The following UGDH variants were observed in gnomAD, a reference collection of about 807,000 sequenced individuals.
UGDH encodes the protein UDP-glucose 6-dehydrogenase, also known as UDP-Glc dehydrogenase.
A neutral mutation model predicts 50.6 loss-of-function variants in UGDH; 38 were observed. That is an observed-to-expected ratio of 0.75 (90% CI 0.58 to 0.98). UGDH has a LOEUF of 0.98. Ranked by LOEUF, UGDH falls within the 50% of genes least tolerant of loss-of-function variation. The pLI is 0.00. For missense variants in UGDH, 465 were observed against 606.2 expected (o/e 0.77, Z 2.45); for synonymous variants, 168 against 199.9 (o/e 0.84, Z 1.35).
rs555032653 is a variant in UGDH, at chr4:39,499,452, C to A, written c.*691G>T. ...AAATATATCTTTAATGACAAACAAA[C>A]CAATAACCAGGAGGAATGAAGACTG... is the stretch of plus-strand genomic sequence containing the variant. On this transcript the variant is annotated 3_prime_UTR_variant, in exon 12 of 12. Coordinates refer to ENST00000316423, the MANE Select transcript of UGDH (RefSeq NM_003359.4). 1 of 152,048 alleles carries A rather than the reference C, an allele frequency of 6.6e-6. No individual in the cohort carries two copies. Among genetic ancestry groups the A allele is most frequent in the Admixed American group, 6.6e-5 (1 of 15,248 alleles). 9.4% of individuals were successfully genotyped at this position (152,048 alleles called of 1,614,324 possible). A position where few individuals can be genotyped will look rare whatever the true frequency, so the allele number is the denominator to read the frequency against.
At chr4:39,514,804 T>A (rs1208375743) in intron 2 of UGDH, among the ~76,000 whole-genome samples, 2 of 152,048 alleles carry the variant, frequency 1.3e-5, no homozygotes, top group East Asian at 3.8e-4. Context: ...TGCCTCAGCC[T>A]CCCAAGTAGC....
chr4:39,518,891 T>C (rs763765747), intron 2 of UGDH, among the ~76,000 whole-genome samples: 6 of 152,222 alleles, frequency 3.9e-5, no homozygotes, highest in Non-Finnish European at 8.8e-5. Context: ...ATTTTAACCA[T>C]TCTGATGGGT....
intron 7 of UGDH, among the ~76,000 whole-genome samples, chr4:39,506,406 A>C (rs3796518): frequency 0.22 from 33,144 of 151,846 alleles, 5,653 homozygotes; most frequent in African/African-American, 0.46. Context: ...AAACCATACT[A>C]TCCTTAGTCC....
chr4:39,518,672 C>T (rs1343395906), intron 2 of UGDH, among the ~76,000 whole-genome samples: 7 of 151,050 alleles, frequency 4.6e-5, no homozygotes, highest in Non-Finnish European at 1.0e-4. Context: ...GTTGCCCAGG[C>T]TGGGCTTGAA....
chr4:39,501,023 G>A (rs961730193), intron 11 of UGDH, among the ~76,000 whole-genome samples: 7 of 150,664 alleles, frequency 4.6e-5, no homozygotes, highest in Admixed American at 6.6e-5. Context: ...GCAGTGCAGT[G>A]GCACGATCTT....
rs1475584701 is a variant in UGDH, at chr4:39,498,824, T to C, written c.*1319A>G. 1 of 152,220 alleles carries C rather than the reference T, an allele frequency of 6.6e-6. No individual in the cohort carries two copies. The highest frequency in any genetic ancestry group is 1.5e-5 in the Non-Finnish European group (1 of 68,044). 9.4% of individuals were successfully genotyped at this position (152,220 alleles called of 1,614,324 possible). A position where few individuals can be genotyped will look rare whatever the true frequency, so the allele number is the denominator to read the frequency against. On this transcript the variant is annotated 3_prime_UTR_variant, in exon 12 of 12. Coordinates refer to ENST00000316423, the MANE Select transcript of UGDH (RefSeq NM_003359.4). ...AGAGATGCTTCTGTCCTCATCTTTATATTTGTCTCCCTCTTCTCATTGAAC... is the reference window on the plus strand; with the variant it reads ...AGAGATGCTTCTGTCCTCATCTTTACATTTGTCTCCCTCTTCTCATTGAAC...
rs1578287671 is a variant in UGDH at position 39,526,186 on chromosome 4, T to C, written c.-8+1097A>G. ...TTTCCAGAAATTAAACAGTAAAAGA[T>C]GCCTGACCAGAGAAAAATATTTAAT... is the stretch of plus-strand genomic sequence containing the variant. On this transcript the variant is annotated intron_variant, in intron 1 of 11. Transcript: ENST00000316423. 2.0e-5 allele frequency among the ~76,000 whole-genome samples: 3 copies of C among 152,330 alleles called. No individual in the cohort carries two copies. In the South Asian group the frequency reaches 6.2e-4, roughly 32 times the overall value.
rs946802939 is a variant in UGDH at position 39,502,924 on chromosome 4, T to A, written c.1374+951A>T. ...ACCAAGCCTGACTAATTTTTATTAT[T>A]TTTTTTTCCCAAAACGGAGTCTTGC... On this transcript the variant is annotated intron_variant, in intron 11 of 11. Coordinates refer to ENST00000316423, the MANE Select transcript of UGDH (RefSeq NM_003359.4). Among the ~76,000 whole-genome samples, 7 of 151,806 alleles carry A rather than the reference T, an allele frequency of 4.6e-5. No individual in the cohort carries two copies. The East Asian group carries it at 7.7e-4, about 17-fold the overall frequency.
At chr4:39,527,239 G>T in intron 1 of UGDH, 44 bp downstream of exon 1, 1 of 791,306 alleles carries the variant, frequency 1.3e-6, no homozygotes, top group Non-Finnish European at 1.8e-6. Flanking sequence ...AGACCTGGGA[G>T]CATCCCGCCC....
intron 1 of UGDH, among the ~76,000 whole-genome samples, chr4:39,523,978 C>G (rs1341312081): frequency 6.6e-6 from 1 of 152,176 alleles, no homozygotes; most frequent in East Asian, 1.9e-4. Flanking sequence ...ATCCTCCCAG[C>G]TACAAGTAAA....
In UGDH at chr4:39,500,455, A is replaced by T. The variant is rs1578259248; in HGVS notation, c.1375-202T>A. 2.0e-5 allele frequency among the ~76,000 whole-genome samples: 3 copies of T among 152,116 alleles called. No homozygotes were observed. The South Asian group carries it at 6.2e-4, about 32-fold the overall frequency. ...TAATCTGTACTCCATCGTAATATTC[A>T]TATCTAGACTTTCTCACTCCTGCCA... On this transcript the variant is annotated intron_variant, in intron 11 of 11. Coordinates refer to ENST00000316423, the MANE Select transcript of UGDH (RefSeq NM_003359.4).
chr4:39,522,765 T>TTG (rs1491202996), intron 1 of UGDH, among the ~76,000 whole-genome samples: 1 of 90,926 alleles, frequency 1.1e-5, no homozygotes, highest in African/African-American at 9.6e-5. Context: ...CCCTCATGAC[T>TTG]TTTTTTTTTT....
At chr4:39,523,432 A>G (rs975537875) in intron 1 of UGDH, among the ~76,000 whole-genome samples, 2 of 152,172 alleles carry the variant, frequency 1.3e-5, no homozygotes, top group Non-Finnish European at 2.9e-5. Flanking sequence ...GAATTATATG[A>G]TTCAATTAAA....
chr4:39,509,649 C>G (rs894126186), intron 6 of UGDH, 111 bp downstream of exon 6: 1 of 1,247,822 alleles, frequency 8.0e-7, no homozygotes, highest in African/African-American at 1.6e-5. Context: ...CAGCATCTAC[C>G]TAACAGGTTA....
intron 2 of UGDH, among the ~76,000 whole-genome samples, 171 bp downstream of exon 2, chr4:39,521,180 C>A (rs1386687405): frequency 6.6e-6 from 1 of 151,922 alleles, no homozygotes; most frequent in Non-Finnish European, 1.5e-5. Context: ...TTCCTACCCA[C>A]ATTACCCGAA....
intron 1 of UGDH, 118 bp downstream of exon 1, chr4:39,527,165 C>A: frequency 1.6e-6 from 2 of 1,277,326 alleles, no homozygotes; most frequent in Non-Finnish European, 2.0e-6. Flanking sequence ...AGCCCGGGAC[C>A]CAGCGCAGCG....
Position 39,510,432 on chromosome 4 carries a change from A to G in UGDH, c.584T>C (p.Leu195Pro), listed in dbSNP as rs1171919565. 1.2e-6 allele frequency: 2 copies of G among 1,614,220 alleles called. No homozygotes were observed. Among genetic ancestry groups the G allele is most frequent in the Non-Finnish European group, 1.7e-6 (2 of 1,180,042 alleles). The change falls in exon 5 of 12, where the codon CTG (leucine) becomes CCG (proline). Residue 195 changes from leucine to proline, a missense_variant. Transcript: ENST00000316423. ...TPEGQRAVQALCAVYEHWVPR... is the reference protein window; with the variant it reads ...TPEGQRAVQAPCAVYEHWVPR... Reference sequence around the variant, plus strand: ...AACCCAGTGCTCATATACAGCACACAGGGCCTGCACAGCTCTCTGGCCCTC... The same window carrying G: ...AACCCAGTGCTCATATACAGCACACGGGGCCTGCACAGCTCTCTGGCCCTC...
chr4:39,502,255 G>A (rs1560684760), intron 11 of UGDH, among the ~76,000 whole-genome samples: 1 of 152,272 alleles, frequency 6.6e-6, no homozygotes. Context: ...CACTAGGGAG[G>A]GGTGGAATAG....
intron 2 of UGDH, among the ~76,000 whole-genome samples, chr4:39,516,191 G>A (rs2109937808): frequency 6.6e-6 from 1 of 152,284 alleles, no homozygotes; most frequent in South Asian, 2.1e-4. Context: ...GGCTGAGGTG[G>A]GAGGATCACC....
Sources: allele counts gnomAD v4.1 joint callset (sites outside exome capture counted in the v4.1 genomes callset), GRCh38; gene constraint gnomAD v4.1.1; transcripts MANE v1.5; gene names NCBI Gene and HGNC (gene_info 2026-07-23, HGNC 2026-07-21).